Variants in NR5A2 observed in about 807,000 individuals in gnomAD.
NR5A2 encodes CYP7A promoter-binding factor.
Under a neutral mutation model 62.7 loss-of-function variants are expected in NR5A2, and 26 were observed. The observed-to-expected ratio is 0.41, with a 90% CI of 0.30 to 0.58. NR5A2 has a LOEUF of 0.58. Among genes scored for constraint, NR5A2 ranks in the 20% least tolerant of loss-of-function variants. The pLI is 0.22. For missense variants in NR5A2, 541 were observed against 669.1 expected (o/e 0.81, Z 2.11); for synonymous variants, 246 against 241.7 (o/e 1.02, Z -0.16).
chr1:200,150,136 C>G (rs985724800), intron 7 of NR5A2, among the ~76,000 whole-genome samples: 1 of 152,160 alleles, frequency 6.6e-6, no homozygotes, highest in African/African-American at 2.4e-5. Context: ...GCACTCTCTC[C>G]TATACTTCTT....
rs1375215412 is a variant in NR5A2, at chr1:200,117,229, A to G, written c.1231-3579A>G. Among the ~76,000 whole-genome samples the G allele has an allele frequency of 2.0e-5, 3 of 152,214 alleles. 1 individual carries two copies. Among genetic ancestry groups the G allele is most frequent in the Non-Finnish European group, 2.9e-5 (2 of 68,018 alleles). On this transcript the variant is annotated intron_variant, in intron 6 of 7. Coordinates refer to ENST00000367362, the MANE Select transcript of NR5A2 (RefSeq NM_205860.3). ...GCCAACTGCTCCTGAAATGAGCACA[A>G]ACTCTGCATTCAACAATGAAAATAT... is the stretch of plus-strand genomic sequence containing the variant.
In NR5A2 at chr1:200,137,976, T is replaced by C. The variant is rs137983462; in HGVS notation, c.1378+17021T>C. Among the ~76,000 whole-genome samples, 31 of 152,308 alleles carry C rather than the reference T, an allele frequency of 2.0e-4. No individual in the cohort carries two copies. In the Middle Eastern group the frequency reaches 0.01, roughly 50 times the overall value. ...CTCTCAAAGAGGTAGCTAAGAAACT[T>C]ATTCTTGTCTTACAAAAGAATAGGG... On this transcript the variant is annotated intron_variant, in intron 7 of 7. Transcript: ENST00000367362.
At chr1:200,108,672 T>A (rs1026573089) in intron 5 of NR5A2, among the ~76,000 whole-genome samples, 4 of 152,220 alleles carry the variant, frequency 2.6e-5, no homozygotes, top group African/African-American at 9.6e-5. Context: ...AATAAACAAC[T>A]AATACTTCAC....
rs1391357322 is a variant in NR5A2 at position 200,176,298 on chromosome 1, T to C, written c.*2088T>C. ...ACTTCTGTGTGTACAAAGAGGATTA[T>C]TTTATTATGTTTATTAATCACCTCT... On this transcript the variant is annotated 3_prime_UTR_variant, in exon 8 of 8. Coordinates refer to ENST00000367362, the MANE Select transcript of NR5A2 (RefSeq NM_205860.3). 1 of 152,658 alleles carries C rather than the reference T, an allele frequency of 6.6e-6. No individual in the cohort carries two copies. Among genetic ancestry groups the C allele is most frequent in the Non-Finnish European group, 1.5e-5 (1 of 68,040 alleles). 9.5% of individuals were successfully genotyped at this position (152,658 alleles called of 1,614,324 possible). A position where few individuals can be genotyped will look rare whatever the true frequency, so the allele number is the denominator to read the frequency against.
At chr1:200,103,170 C>T (rs936487276) in intron 5 of NR5A2, among the ~76,000 whole-genome samples, 2 of 138,274 alleles carry the variant, frequency 1.4e-5, no homozygotes, top group South Asian at 4.6e-4. Context: ...GTCACCCAGG[C>T]TGGAGTGCAA....
At chr1:200,064,641 A>G (rs2821388) in intron 5 of NR5A2, among the ~76,000 whole-genome samples, 55,119 of 152,010 alleles carry the variant, frequency 0.36, 11,867 homozygotes, top group African/African-American at 0.61. Flanking sequence ...CGGGGGCCAG[A>G]AGGATTGAAA....
At chr1:200,055,235 G>T (rs1489893491) in intron 5 of NR5A2, among the ~76,000 whole-genome samples, 1 of 151,196 alleles carries the variant, frequency 6.6e-6, no homozygotes, top group Non-Finnish European at 1.5e-5. Context: ...CACTCTTGTT[G>T]CCCAGGCTGG....
At chr1:200,071,364 T>G (rs569507993) in intron 5 of NR5A2, among the ~76,000 whole-genome samples, 3 of 152,344 alleles carry the variant, frequency 2.0e-5, no homozygotes, top group African/African-American at 7.2e-5. Context: ...ACAGCTGTAA[T>G]GTTTCACAAT....
rs1491019934 is a variant in NR5A2, at chr1:200,103,120, C to CT, written c.1111-8081dup. Among the ~76,000 whole-genome samples, 9 of 100,938 alleles carry CT rather than the reference C, an allele frequency of 8.9e-5. No individual in the cohort carries two copies. In the East Asian group the frequency reaches 2.0e-3, roughly 23 times the overall value. 66.2% of individuals were successfully genotyped at this position (100,938 alleles called of 152,430 possible). A position where few individuals can be genotyped will look rare whatever the true frequency, so the allele number is the denominator to read the frequency against. On this transcript the variant is annotated intron_variant, in intron 5 of 7. Coordinates refer to ENST00000367362, the MANE Select transcript of NR5A2 (RefSeq NM_205860.3). The stretch of plus-strand genomic sequence containing the variant: ...ATTAAATGAGTTCATGCATGTAAAA[C>CT]TCTTTTTTTTTTTTTTTTTTTGAGT...
chr1:200,141,721 T>A (rs1667449076), intron 7 of NR5A2, among the ~76,000 whole-genome samples: 1 of 152,174 alleles, frequency 6.6e-6, no homozygotes, highest in Admixed American at 6.5e-5. Flanking sequence ...ACCATCCTAG[T>A]TTTTGTATGT....
intron 7 of NR5A2, among the ~76,000 whole-genome samples, chr1:200,143,767 G>C (rs749202348): frequency 5.3e-5 from 8 of 150,192 alleles, no homozygotes; most frequent in African/African-American, 2.0e-4. Context: ...TCAGCCTCCC[G>C]AGTAGCTGGG....
chr1:200,145,663 G>T (rs764491930), intron 7 of NR5A2, among the ~76,000 whole-genome samples: 1 of 152,126 alleles, frequency 6.6e-6, no homozygotes, highest in Non-Finnish European at 1.5e-5. Context: ...GTCTTGCTCT[G>T]TTGTCCAGGC....
intron 6 of NR5A2, among the ~76,000 whole-genome samples, chr1:200,113,605 A>ACCTC (rs1666064433): frequency 1.3e-5 from 2 of 152,214 alleles, no homozygotes; most frequent in Non-Finnish European, 2.9e-5. Context: ...ACCTAGCACA[A>ACCTC]AGCTGAATAT....
chr1:200,118,019 CTTT>C (rs397982581), intron 6 of NR5A2, among the ~76,000 whole-genome samples: 2 of 117,338 alleles, frequency 1.7e-5, no homozygotes, highest in African/African-American at 6.5e-5. Flanking sequence ...TCGCCTTTTT[CTTT>C]TTTTTTTTTT....
intron 7 of NR5A2, among the ~76,000 whole-genome samples, chr1:200,143,941 T>A (rs773495164): frequency 5.9e-5 from 9 of 152,062 alleles, no homozygotes; most frequent in Non-Finnish European, 1.0e-4. Flanking sequence ...GCCCGGCTAC[T>A]GTTCACCGTT....
At chr1:200,161,689 T>C (rs1653651562) in intron 7 of NR5A2, among the ~76,000 whole-genome samples, 2 of 152,250 alleles carry the variant, frequency 1.3e-5, no homozygotes, top group Admixed American at 1.3e-4. Flanking sequence ...AAAAGAGCTT[T>C]GTTATATTTG....
chr1:200,113,493 G>T (rs1385928103), intron 6 of NR5A2, among the ~76,000 whole-genome samples: 1 of 152,230 alleles, frequency 6.6e-6, no homozygotes, highest in East Asian at 1.9e-4. Flanking sequence ...AAGCAAAAGT[G>T]CTGCAAAGGA....
chr1:200,123,815 T>G (rs1666584783), intron 7 of NR5A2, among the ~76,000 whole-genome samples: 1 of 151,484 alleles, frequency 6.6e-6, no homozygotes, highest in Non-Finnish European at 1.5e-5. Flanking sequence ...GGTTTTTTTT[T>G]TTTGAAACGG....
intron 7 of NR5A2, among the ~76,000 whole-genome samples, chr1:200,136,223 CTTT>C (rs1015637570): frequency 1.4e-5 from 2 of 145,290 alleles, no homozygotes; most frequent in African/African-American, 2.5e-5. Flanking sequence ...TTTTTTCTTT[CTTT>C]TTTTTTTTTG....
Sources: allele counts gnomAD v4.1 joint callset (sites outside exome capture counted in the v4.1 genomes callset), GRCh38; gene constraint gnomAD v4.1.1; transcripts MANE v1.5; gene names NCBI Gene and HGNC (gene_info 2026-07-23, HGNC 2026-07-21).